E2F7: variants seen among roughly 807,000 people sequenced by gnomAD.
E2F7 encodes the protein E2F transcription factor 7, also known as transcription factor E2F7.
E2F7 carries 35 observed loss-of-function variants against 81.1 expected under a neutral mutation model. The ratio of observed to expected loss-of-function variants is 0.43; its 90% CI spans 0.33 to 0.57. The LOEUF (loss-of-function observed/expected upper bound fraction) is 0.57. Ranked by LOEUF, E2F7 falls within the 20% of genes least tolerant of loss-of-function variation. E2F7 has a pLI of 0.04. For missense variants in E2F7, 961 were observed against 1,093.7 expected (o/e 0.88, Z 1.71); for synonymous variants, 416 against 416.2 (o/e 1.00, Z 0.01).
At chr12:77,052,683 T>C (rs921517288) in intron 3 of E2F7, among the ~76,000 whole-genome samples, 3 of 152,078 alleles carry the variant, frequency 2.0e-5, no homozygotes, top group Admixed American at 6.6e-5. Flanking sequence ...AAAAATGAAC[T>C]ATATTAAACT....
chr12:77,036,973 T>C (rs1954855810), intron 7 of E2F7, among the ~76,000 whole-genome samples: 2 of 151,986 alleles, frequency 1.3e-5, no homozygotes, highest in South Asian at 4.1e-4. Flanking sequence ...ATGGTCTCAA[T>C]CTCCTGACCT....
chr12:77,055,282 A>C (rs1565911297), intron 3 of E2F7, among the ~76,000 whole-genome samples: 1 of 152,180 alleles, frequency 6.6e-6, no homozygotes, highest in Non-Finnish European at 1.5e-5. Context: ...AAAAATGGTT[A>C]AGAATACTGA....
chr12:77,044,146 A>G, intron 6 of E2F7: 1 of 335,272 alleles, frequency 3.0e-6, no homozygotes. Flanking sequence ...TCAGTATCCA[A>G]GATGGACAGA....
At chr12:77,030,834 G>A (rs1392591889) in intron 9 of E2F7, among the ~76,000 whole-genome samples, 1 of 152,102 alleles carries the variant, frequency 6.6e-6, no homozygotes, top group East Asian at 1.9e-4. Flanking sequence ...TCTGTTTGAT[G>A]GCAAAACCCA....
At chr12:77,051,262 T>G (rs184864131) in intron 3 of E2F7, among the ~76,000 whole-genome samples, 35 of 152,368 alleles carry the variant, frequency 2.3e-4, no homozygotes, top group Non-Finnish European at 4.9e-4. Flanking sequence ...CTTATCCTTT[T>G]ATTTGTAAAT....
intron 7 of E2F7, among the ~76,000 whole-genome samples, chr12:77,035,084 C>T (rs527916251): frequency 6.6e-6 from 1 of 152,180 alleles, no homozygotes; most frequent in Non-Finnish European, 1.5e-5. Flanking sequence ...ACAGTGATCT[C>T]TGTGAGACAG....
At chr12:77,044,615 T>G in intron 6 of E2F7, 22 bp downstream of exon 6, 1 of 1,611,726 alleles carries the variant, frequency 6.2e-7, no homozygotes, top group South Asian at 1.1e-5. Flanking sequence ...GCTAGTAAGT[T>G]GATGGAGGTG....
chr12:77,065,079 C>A (rs1955108039), intron 1 of E2F7, among the ~76,000 whole-genome samples: 1 of 152,188 alleles, frequency 6.6e-6, no homozygotes, highest in Non-Finnish European at 1.5e-5. Context: ...CTGAGCGCAG[C>A]CCCTTCCCAG....
At chr12:77,048,769 C>T (rs1415610073) in intron 4 of E2F7, among the ~76,000 whole-genome samples, 1 of 152,134 alleles carries the variant, frequency 6.6e-6, no homozygotes, top group Non-Finnish European at 1.5e-5. Context: ...TCCAGGCAGC[C>T]ATAACATGGG....
chr12:77,051,500 G>A (rs1168112192), intron 3 of E2F7, among the ~76,000 whole-genome samples: 1 of 152,062 alleles, frequency 6.6e-6, no homozygotes, highest in Non-Finnish European at 1.5e-5. Context: ...GGTGGGGGCA[G>A]GGGGGAGGGA....
At chr12:77,049,937 G>C (rs1294535094) in intron 4 of E2F7, among the ~76,000 whole-genome samples, 1 of 152,152 alleles carries the variant, frequency 6.6e-6, no homozygotes, top group Non-Finnish European at 1.5e-5. Flanking sequence ...TGTTCACTCT[G>C]GAACTAACTG....
rs1408819564 is a variant in E2F7 at position 77,022,420 on chromosome 12, C to A, written c.*1595G>T. 6.6e-6 allele frequency: 1 copy of A among 152,268 alleles called. No homozygotes were observed. The highest frequency in any genetic ancestry group is 2.1e-4 in the South Asian group (1 of 4,810). 9.4% of individuals were successfully genotyped at this position (152,268 alleles called of 1,614,324 possible). ...AAATTTATTTAATGTAGCTACCTACCTCAAGTTTTAAAAAATCTTGTGGGG... is the reference window on the plus strand; with the variant it reads ...AAATTTATTTAATGTAGCTACCTACATCAAGTTTTAAAAAATCTTGTGGGG... On this transcript the variant is annotated 3_prime_UTR_variant, in exon 13 of 13. Coordinates refer to ENST00000322886, the MANE Select transcript of E2F7 (RefSeq NM_203394.3).
intron 7 of E2F7, among the ~76,000 whole-genome samples, chr12:77,042,779 G>A (rs534586885): frequency 6.6e-6 from 1 of 152,150 alleles, no homozygotes; most frequent in Admixed American, 6.5e-5. Flanking sequence ...TTTAATTCTC[G>A]GTCCCAAACT....
intron 9 of E2F7, among the ~76,000 whole-genome samples, chr12:77,031,536 G>A (rs908894258): frequency 4.6e-5 from 7 of 152,132 alleles, no homozygotes; most frequent in African/African-American, 1.7e-4. Flanking sequence ...AGCTACTCTG[G>A]AGGCTGAGGC....
chr12:77,029,891 T>G lies in E2F7; in HGVS notation c.1824A>C (p.Pro608=). 1 of 1,614,260 alleles carries G rather than the reference T, an allele frequency of 6.2e-7. No individual in the cohort carries two copies. Among genetic ancestry groups the G allele is most frequent in the Non-Finnish European group, 8.5e-7 (1 of 1,180,046 alleles). Reference sequence around the variant, plus strand: ...ATTCCCTACTTTGCCTTTTAGTGGCTGGCTCATCCTCCTCCTGAGGTTTCC... The same window carrying G: ...ATTCCCTACTTTGCCTTTTAGTGGCGGGCTCATCCTCCTCCTGAGGTTTCC... The part of the protein sequence containing the change: ...EERKPQEEDE[P]ATKRQSREYE... Residue 608 remains proline, a synonymous_variant, in exon 10 of 13, where the codon CCA becomes CCC. Coordinates refer to ENST00000322886, the MANE Select transcript of E2F7 (RefSeq NM_203394.3).
intron 2 of E2F7, among the ~76,000 whole-genome samples, chr12:77,060,943 A>C (rs916279295): frequency 1.3e-5 from 2 of 152,192 alleles, no homozygotes; most frequent in Non-Finnish European, 2.9e-5. Flanking sequence ...ACTTGACCTC[A>C]CTGCAGCAGT....
chr12:77,046,372 T>A, intron 4 of E2F7, 44 bp from the exon 5 acceptor site: 1 of 1,578,268 alleles, frequency 6.3e-7, no homozygotes, highest in East Asian at 2.2e-5. Context: ...CAGACAAACA[T>A]TTTTGAAGAG....
chr12:77,062,561 T>C (rs1439844282), intron 2 of E2F7, among the ~76,000 whole-genome samples: 3 of 151,864 alleles, frequency 2.0e-5, no homozygotes, highest in Non-Finnish European at 4.4e-5. Flanking sequence ...TCAAACATTG[T>C]CACTGCTTTC....
At chr12:77,030,366 C>T (rs538080524) in intron 9 of E2F7, 34 bp from the exon 10 acceptor site, 10 of 1,515,062 alleles carry the variant, frequency 6.6e-6, no homozygotes, top group Non-Finnish European at 8.8e-6. Context: ...GAAGTTAGCA[C>T]ATTCTACCAA....
Sources: gnomAD v4.1 joint callset for allele counts (sites outside exome capture counted in the v4.1 genomes callset) on GRCh38, gnomAD v4.1.1 for gene constraint, MANE v1.5 for transcripts, NCBI Gene and HGNC (gene_info 2026-07-23, HGNC 2026-07-21) for gene names.